The following DCAF8L2 variants were observed in gnomAD, a reference collection of about 807,000 sequenced individuals.
DCAF8L2 encodes DDB1 and CUL4 associated factor 8 like 2.
For missense variants in DCAF8L2, 430 were observed against 490.7 expected (o/e 0.88, Z 1.17); for synonymous variants, 200 against 190.9 (o/e 1.05, Z -0.39).
chrX:27,627,329 T>C (rs1928057569), intron 1 of DCAF8L2: 1 of 107,159 alleles, frequency 9.3e-6, no homozygotes, highest in African/African-American at 3.4e-5. Flanking sequence ...GAAATATTCC[T>C]TTTTTTTTTC....
the DCAF8L2 span, among the ~76,000 whole-genome samples, chrX:27,560,711 G>T: frequency 8.9e-6 from 1 of 112,220 alleles, no homozygotes; most frequent in South Asian, 3.7e-4. Context: ...AGTGTTCTAT[G>T]GGAAATAGTT....
the DCAF8L2 span, chrX:27,517,769 A>T: frequency 1.7e-6 from 2 of 1,143,463 alleles, no homozygotes; most frequent in Non-Finnish European, 1.2e-6. Flanking sequence ...CAGCTCTCAC[A>T]TTGCTTCAAA....
chrX:27,734,612 A>G (rs1921416779), intron 4 of DCAF8L2, among the ~76,000 whole-genome samples: 2 of 112,294 alleles, frequency 1.8e-5, no homozygotes, highest in Non-Finnish European at 3.8e-5. Flanking sequence ...AACATGTTTG[A>G]TAAATATACC....
chrX:27,559,969 T>TA, the DCAF8L2 span, among the ~76,000 whole-genome samples: 10 of 106,576 alleles, frequency 9.4e-5, no homozygotes, highest in Non-Finnish European at 1.7e-4. Context: ...CTTTCCACGT[T>TA]AAAAAAAAAA....
At chrX:27,646,381 A>T (rs1928937824) in intron 2 of DCAF8L2, among the ~76,000 whole-genome samples, 1 of 98,549 alleles carries the variant, frequency 1.0e-5, no homozygotes, top group African/African-American at 3.3e-5. Flanking sequence ...TTGAAACTGG[A>T]TGCCTTCTTT....
intron 4 of DCAF8L2, among the ~76,000 whole-genome samples, chrX:27,722,129 C>G (rs1415094522): frequency 3.6e-5 from 4 of 111,960 alleles, no homozygotes; most frequent in African/African-American, 9.7e-5. Context: ...CTCATTTATG[C>G]AATTTAATGC....
At chrX:27,523,076 T>C in the DCAF8L2 span, among the ~76,000 whole-genome samples, 1 of 112,193 alleles carries the variant, frequency 8.9e-6, no homozygotes, top group Non-Finnish European at 1.9e-5. Flanking sequence ...ATAATAATGA[T>C]ATTAGCAAAC....
chrX:27,508,612 T>C, the DCAF8L2 span, among the ~76,000 whole-genome samples: 1 of 106,871 alleles, frequency 9.4e-6, no homozygotes, highest in East Asian at 2.9e-4. Context: ...GTCCTACATC[T>C]AGTTACTGGA....
At chrX:27,580,148 A>G in the DCAF8L2 span, among the ~76,000 whole-genome samples, 8 of 110,841 alleles carry the variant, frequency 7.2e-5, no homozygotes, top group Admixed American at 4.9e-4. Context: ...GCTAATGACT[A>G]ATCTAGGACT....
the DCAF8L2 span, chrX:27,518,012 A>T: frequency 9.4e-7 from 1 of 1,064,840 alleles, no homozygotes. Context: ...CTAAATAAAA[A>T]GGTGACACAG....
chrX:27,514,215 CTA>C, the DCAF8L2 span, among the ~76,000 whole-genome samples: 1 of 74,147 alleles, frequency 1.3e-5, no homozygotes, highest in African/African-American at 6.8e-5. Context: ...TGTATGTGTG[CTA>C]TGTACCTATA....
chrX:27,626,631 A>G (rs931469413), intron 1 of DCAF8L2, among the ~76,000 whole-genome samples: 5 of 112,298 alleles, frequency 4.5e-5, no homozygotes, highest in African/African-American at 6.5e-5. Flanking sequence ...AATTAATTTG[A>G]TATGTAATAT....
the DCAF8L2 span, among the ~76,000 whole-genome samples, chrX:27,564,291 T>C: frequency 9.0e-6 from 1 of 110,998 alleles, no homozygotes; most frequent in Non-Finnish European, 1.9e-5. Flanking sequence ...AACCACCCCA[T>C]GATTCAATTA....
chrX:27,474,002 C>G, the DCAF8L2 span, among the ~76,000 whole-genome samples: 1 of 110,863 alleles, frequency 9.0e-6, no homozygotes, highest in Non-Finnish European at 1.9e-5. Context: ...CCCTAGGGCT[C>G]TAATGTTCAG....
At chrX:27,508,650 C>A in the DCAF8L2 span, among the ~76,000 whole-genome samples, 20,114 of 103,210 alleles carry the variant, frequency 0.19, 1,800 homozygotes, top group East Asian at 0.36. Flanking sequence ...CCTCATGGGT[C>A]TGAATATTTT....
the DCAF8L2 span, among the ~76,000 whole-genome samples, chrX:27,552,540 T>G: frequency 8.9e-6 from 1 of 112,121 alleles, no homozygotes; most frequent in East Asian, 2.8e-4. Context: ...AAGCAACATT[T>G]ATTGAAGAAA....
chrX:27,654,717 A>G (rs770803022), intron 2 of DCAF8L2, among the ~76,000 whole-genome samples: 2 of 111,668 alleles, frequency 1.8e-5, no homozygotes, highest in Non-Finnish European at 3.8e-5. Context: ...AAAAAATTTA[A>G]AATTGTTAAA....
intron 1 of DCAF8L2, among the ~76,000 whole-genome samples, chrX:27,591,582 T>A (rs1926094751): frequency 8.9e-6 from 1 of 111,961 alleles, no homozygotes; most frequent in African/African-American, 3.2e-5. Context: ...AACAAACATC[T>A]TTCTTTCATG....
intron 2 of DCAF8L2, among the ~76,000 whole-genome samples, chrX:27,637,735 T>C (rs1282447070): frequency 2.8e-5 from 3 of 108,648 alleles, no homozygotes; most frequent in Admixed American, 2.0e-4. Flanking sequence ...GCTCAAAATT[T>C]AATGAAAAGC....
Sources: allele counts gnomAD v4.1 joint callset (sites outside exome capture counted in the v4.1 genomes callset), GRCh38; gene constraint gnomAD v4.1.1; transcripts MANE v1.5; gene names NCBI Gene and HGNC (gene_info 2026-07-23, HGNC 2026-07-21).